The following ZYG11A variants were observed in gnomAD, a reference collection of about 807,000 sequenced individuals.
ZYG11A encodes the protein zyg-11 family member A, cell cycle regulator.
In ZYG11A, 62 loss-of-function variants were observed where a neutral mutation model predicts 77.2. The ratio of observed to expected loss-of-function variants is 0.80; its 90% CI spans 0.65 to 0.99. The LOEUF (loss-of-function observed/expected upper bound fraction) is 0.99. ZYG11A is among the 50% of genes least tolerant of loss of function. The pLI is 0.00. For missense variants in ZYG11A, 828 were observed against 896.8 expected, an observed-to-expected ratio of 0.92 and a Z score of 0.98; for synonymous variants, 315 against 324.6, an observed-to-expected ratio of 0.97 and a Z score of 0.32.
Position 52,864,119 on chromosome 1 carries a change from C to T in ZYG11A, c.1288C>T (p.Leu430Phe). The change falls in exon 5 of 14, where the codon CTT (leucine) becomes TTT (phenylalanine). Residue 430 changes from leucine (L) to phenylalanine (F), a missense_variant. Transcript: ENST00000371528. ...CCTGTTGTCAGAGGTCACCTGTCTA[C>T]TTTTCAAGGCTCTGAAAAATTTCCC... ...VRLLSEVTCL[L>F]FKALKNFPHY... 1 of 1,551,698 alleles carries T rather than the reference C, an allele frequency of 6.4e-7. No homozygotes were observed. Among genetic ancestry groups the T allele is most frequent in the Non-Finnish European group, 8.7e-7 (1 of 1,147,010 alleles).
chr1:52,866,985 A>G (rs1328033037), intron 6 of ZYG11A, among the ~76,000 whole-genome samples: 2 of 152,126 alleles, frequency 1.3e-5, no homozygotes, highest in Non-Finnish European at 2.9e-5. Context: ...TTTACTTTTT[A>G]ATTATTTAGA....
chr1:52,860,192 C>T (rs1645900429), intron 3 of ZYG11A, among the ~76,000 whole-genome samples: 1 of 152,054 alleles, frequency 6.6e-6, no homozygotes, highest in Non-Finnish European at 1.5e-5. Context: ...AGGAAAATTG[C>T]CGTTTAATAA....
intron 5 of ZYG11A, among the ~76,000 whole-genome samples, chr1:52,865,162 G>A (rs510873): frequency 0.47 from 71,503 of 151,638 alleles, 18,263 homozygotes; most frequent in Non-Finnish European, 0.59. Flanking sequence ...GGGTGGTCTC[G>A]AACTCCTGAA....
chr1:52,888,848 A>G (rs1035670785), intron 13 of ZYG11A, among the ~76,000 whole-genome samples: 1 of 152,164 alleles, frequency 6.6e-6, no homozygotes. Context: ...AAGGAAAGAA[A>G]TGTGGTTTTT....
At chr1:52,849,698 T>C (rs1356827568) in intron 1 of ZYG11A, among the ~76,000 whole-genome samples, 1 of 149,802 alleles carries the variant, frequency 6.7e-6, no homozygotes, top group Admixed American at 6.7e-5. Flanking sequence ...CTTTTTTTTT[T>C]TTGAGACGGA....
At chr1:52,867,968 T>C (rs527364486) in intron 8 of ZYG11A, among the ~76,000 whole-genome samples, 191 bp downstream of exon 8, 41 of 138,786 alleles carry the variant, frequency 3.0e-4, no homozygotes, top group Admixed American at 3.5e-4. Context: ...CTTTTTTTTT[T>C]TTTTTTTTTT....
intron 11 of ZYG11A, 103 bp from the exon 12 acceptor site, chr1:52,885,730 T>C: frequency 1.3e-6 from 1 of 781,330 alleles, no homozygotes; most frequent in Non-Finnish European, 2.1e-6. Context: ...TTTTGCCAAG[T>C]AGATGTATCT....
chr1:52,868,804 AAAC>A (rs1195647842), intron 8 of ZYG11A, among the ~76,000 whole-genome samples: 2 of 152,120 alleles, frequency 1.3e-5, no homozygotes, highest in South Asian at 2.1e-4. Flanking sequence ...ACAAAACAAA[AAAC>A]AACATTGTTT....
At chr1:52,870,627 G>A (rs1404431339) in intron 8 of ZYG11A, among the ~76,000 whole-genome samples, 1 of 152,262 alleles carries the variant, frequency 6.6e-6, no homozygotes, top group African/African-American at 2.4e-5. Flanking sequence ...GGGAGGCCGA[G>A]GCTGGCGGAT....
chr1:52,876,870 G>A (rs141792816), intron 8 of ZYG11A, among the ~76,000 whole-genome samples: 125 of 152,212 alleles, frequency 8.2e-4, no homozygotes, highest in African/African-American at 2.9e-3. Context: ...AGTGAAAATC[G>A]TTTTGTCTTT....
At chr1:52,885,363 G>A (rs1240420610) in intron 11 of ZYG11A, among the ~76,000 whole-genome samples, 7 of 148,532 alleles carry the variant, frequency 4.7e-5, no homozygotes, top group African/African-American at 7.5e-5. Context: ...TGAGATGCCC[G>A]GCTAATTTTT....
intron 2 of ZYG11A, among the ~76,000 whole-genome samples, chr1:52,856,124 T>C (rs1645805688): frequency 6.6e-6 from 1 of 152,228 alleles, no homozygotes; most frequent in Non-Finnish European, 1.5e-5. Context: ...CCAAGACTCA[T>C]CTGACATTTT....
At chr1:52,870,852 A>G (rs945584791) in intron 8 of ZYG11A, among the ~76,000 whole-genome samples, 18 of 151,886 alleles carry the variant, frequency 1.2e-4, no homozygotes, top group African/African-American at 4.1e-4. Context: ...GAGACAGTAG[A>G]AAGAGAGGGA....
chr1:52,860,500 A>G (rs1645906927), intron 3 of ZYG11A, among the ~76,000 whole-genome samples: 1 of 151,940 alleles, frequency 6.6e-6, no homozygotes, highest in Non-Finnish European at 1.5e-5. Context: ...GTTTCACCAT[A>G]TTGTTCAGGC....
intron 8 of ZYG11A, among the ~76,000 whole-genome samples, chr1:52,869,659 C>G (rs1290655475): frequency 3.3e-5 from 5 of 152,014 alleles, no homozygotes; most frequent in African/African-American, 9.7e-5. Context: ...TACACAGACA[C>G]AGCAACCATC....
rs1323063949 is a variant in ZYG11A, at chr1:52,867,638, G to C, written c.1491G>C (p.Gln497His). 6.4e-7 allele frequency: 1 copy of C among 1,551,876 alleles called. No homozygotes were observed. The highest frequency in any genetic ancestry group is 8.7e-7 in the Non-Finnish European group (1 of 1,146,836). The change falls in exon 7 of 14, where the codon CAG (glutamine) becomes CAC (histidine). Residue 497 changes from glutamine to histidine, a missense_variant and splice_region_variant. Gln to His is a conservative substitution (Grantham distance 24, BLOSUM62 0). Coordinates refer to ENST00000371528, the MANE Select transcript of ZYG11A (RefSeq NM_001004339.3). ...GTGTCACCTCTATTCTGGCTCTGCA[G>C]GTTTGTGATTTCTTAAAGGCAAGAT... ...AVSVTSILAL[Q>H]LSPEQTAQLE... is the part of the protein sequence containing the mutation.
intron 12 of ZYG11A, among the ~76,000 whole-genome samples, chr1:52,886,699 ATTT>A (rs386366962): frequency 7.2e-5 from 5 of 69,104 alleles, no homozygotes; most frequent in African/African-American, 2.6e-4. Flanking sequence ...GGCCCAGCTA[ATTT>A]TTTTTTTTTT....
At position 52,885,827 on chromosome 1, in the gene ZYG11A, G is replaced by A; in HGVS notation, c.1945-6G>A. ...TGTTGGTTTCTCTCTCTTGTTTTTG[G>A]AGTAGCATGCAACCATACAGAATTG... On this transcript the variant is annotated splice_polypyrimidine_tract_variant and splice_region_variant and intron_variant, in intron 11 of 13. Transcript: ENST00000371528. 8 of 1,534,448 alleles carry A rather than the reference G, an allele frequency of 5.2e-6. No homozygotes were observed. Among genetic ancestry groups the A allele is most frequent in the Non-Finnish European group, 7.0e-6 (8 of 1,139,910 alleles).
intron 1 of ZYG11A, among the ~76,000 whole-genome samples, chr1:52,850,293 A>T (rs1645682786): frequency 6.7e-6 from 1 of 149,894 alleles, no homozygotes; most frequent in African/African-American, 2.5e-5. Flanking sequence ...TGGGACTTAC[A>T]GGCGCAAGCA....
Sources: gnomAD v4.1 joint callset for allele counts (sites outside exome capture counted in the v4.1 genomes callset) on GRCh38, gnomAD v4.1.1 for gene constraint, MANE v1.5 for transcripts, NCBI Gene and HGNC (gene_info 2026-07-23, HGNC 2026-07-21) for gene names.